MYO5B: variants seen among roughly 807,000 people sequenced by gnomAD.
MYO5B encodes unconventional myosin-Vb.
Under a neutral mutation model 229.3 loss-of-function variants are expected in MYO5B, and 143 were observed. That is an observed-to-expected ratio of 0.62 (90% confidence interval 0.54 to 0.72). MYO5B has a LOEUF of 0.72. MYO5B is among the 30% of genes least tolerant of loss of function. The probability of loss-of-function intolerance (pLI) is 0.00; values close to 1 mark genes in which losing one functional copy is unlikely to be tolerated. For synonymous variants in MYO5B, 918 were observed against 885.2 expected (o/e 1.04, Z -0.66); for missense variants, 2,321 against 2,331.0 (o/e 1.00, Z 0.09).
At chr18:50,142,350 C>A (rs138959119) in intron 1 of MYO5B, among the ~76,000 whole-genome samples, 3 of 152,154 alleles carry the variant, frequency 2.0e-5, no homozygotes, top group Non-Finnish European at 2.9e-5. Flanking sequence ...TTAATCAAAC[C>A]GAATCCCATG....
intron 1 of MYO5B, among the ~76,000 whole-genome samples, chr18:50,151,519 T>G (rs1031158345): frequency 1.3e-5 from 2 of 152,154 alleles, no homozygotes; most frequent in African/African-American, 2.4e-5. Flanking sequence ...GTCAGAAAAA[T>G]GTAGGTTTAA....
intron 1 of MYO5B, among the ~76,000 whole-genome samples, chr18:50,191,445 A>C (rs951388): frequency 0.54 from 81,616 of 151,898 alleles, 22,139 homozygotes; most frequent in Admixed American, 0.61. Context: ...CTCTGGTGAC[A>C]CCAGTTTTGT....
chr18:50,074,242 A>G (rs540409765), intron 1 of MYO5B, among the ~76,000 whole-genome samples: 7 of 152,350 alleles, frequency 4.6e-5, no homozygotes, highest in African/African-American at 1.4e-4. Context: ...TCATGAGAAT[A>G]GCACGGGAAA....
intron 33 of MYO5B, among the ~76,000 whole-genome samples, 186 bp downstream of exon 33, chr18:49,846,960 T>TG (rs2024135793): frequency 1.1e-5 from 1 of 89,206 alleles, no homozygotes; most frequent in African/African-American, 4.5e-5. Flanking sequence ...CAGCAGGAGC[T>TG]GGGGGGAGGA....
chr18:50,163,044 T>C (rs1226167693), intron 1 of MYO5B, among the ~76,000 whole-genome samples: 1 of 152,164 alleles, frequency 6.6e-6, no homozygotes, highest in Non-Finnish European at 1.5e-5. Flanking sequence ...CTGTAGCTAA[T>C]AACAAAAATG....
chr18:49,943,685 A>G (rs1349116510), intron 14 of MYO5B, among the ~76,000 whole-genome samples: 1 of 152,218 alleles, frequency 6.6e-6, no homozygotes, highest in African/African-American at 2.4e-5. Flanking sequence ...TGTGCTAGGA[A>G]CTGGTAAAAC....
chr18:49,879,963 CTGAG>C lies in MYO5B; in HGVS notation c.3130+404_3130+407del, dbSNP rs200129697. Among the ~76,000 whole-genome samples the C allele has an allele frequency of 5.9e-5, 9 of 152,354 alleles. No homozygotes were observed. In the East Asian group the frequency reaches 1.2e-3, roughly 20 times the overall value. Reference sequence around the variant, plus strand: ...AATGACGACAGCTCCTGAGCGCTCGCTGAGTGTCATGCACCCTCCTAAGCACTTC... The same window carrying C: ...AATGACGACAGCTCCTGAGCGCTCGCTGTCATGCACCCTCCTAAGCACTTC... On this transcript the variant is annotated intron_variant, in intron 23 of 39. Transcript: ENST00000285039.
At chr18:49,951,273 T>C (rs77645917) in intron 14 of MYO5B, among the ~76,000 whole-genome samples, 2 of 152,308 alleles carry the variant, frequency 1.3e-5, no homozygotes, top group African/African-American at 4.8e-5. Context: ...GCCATAACTA[T>C]ATGCTAAGTT....
At chr18:50,190,366 C>A (rs561620350) in intron 1 of MYO5B, among the ~76,000 whole-genome samples, 1 of 152,276 alleles carries the variant, frequency 6.6e-6, no homozygotes, top group South Asian at 2.1e-4. Flanking sequence ...GGGTTGGAAG[C>A]CAAGCACTCA....
intron 7 of MYO5B, among the ~76,000 whole-genome samples, chr18:49,986,004 C>A (rs1271631323): frequency 6.6e-6 from 1 of 152,142 alleles, no homozygotes; most frequent in East Asian, 1.9e-4. Context: ...TCAAATCCAC[C>A]TCGAAAATGC....
chr18:50,172,272 C>A (rs539462966), intron 1 of MYO5B, among the ~76,000 whole-genome samples: 1 of 136,314 alleles, frequency 7.3e-6, no homozygotes, highest in African/African-American at 2.8e-5. Flanking sequence ...TAGAGTGAGA[C>A]CCTGACAAAA....
rs565519933 is a variant in MYO5B, at chr18:50,157,818, C to T, written c.27+36949G>A. Among the ~76,000 whole-genome samples the T allele has an allele frequency of 2.0e-5, 3 of 152,306 alleles. No individual in the cohort carries two copies. The South Asian group carries it at 6.2e-4, about 32-fold the overall frequency. ...ATCATAAGATGTATGAGGGCCAAAACCATGTCTTGTGTTTACAAATGCCTA... is the reference window on the plus strand; with the variant it reads ...ATCATAAGATGTATGAGGGCCAAAATCATGTCTTGTGTTTACAAATGCCTA... On this transcript the variant is annotated intron_variant, in intron 1 of 39. Coordinates refer to ENST00000285039, the MANE Select transcript of MYO5B (RefSeq NM_001080467.3).
At chr18:49,954,587 C>A in intron 12 of MYO5B, 152 bp from the exon 13 acceptor site, 1 of 1,083,706 alleles carries the variant, frequency 9.2e-7, no homozygotes, top group Non-Finnish European at 1.4e-6. Flanking sequence ...AAGAATGATT[C>A]AACCATACAT....
chr18:50,089,216 A>G (rs1163871873), intron 1 of MYO5B, among the ~76,000 whole-genome samples: 1 of 152,074 alleles, frequency 6.6e-6, no homozygotes, highest in African/African-American at 2.4e-5. Flanking sequence ...CGTCTCTACT[A>G]AAAATACAAA....
At chr18:50,180,327 A>G (rs1195824334) in intron 1 of MYO5B, among the ~76,000 whole-genome samples, 1 of 152,112 alleles carries the variant, frequency 6.6e-6, no homozygotes, top group Non-Finnish European at 1.5e-5. Context: ...CAGTTCACAC[A>G]TTACCTCATT....
intron 21 of MYO5B, among the ~76,000 whole-genome samples, chr18:49,897,571 A>AT (rs2024793323): frequency 1.3e-5 from 2 of 152,222 alleles, no homozygotes; most frequent in Non-Finnish European, 2.9e-5. Flanking sequence ...CCAAAAATAA[A>AT]TTTTAAAAAT....
At chr18:50,014,166 C>T (rs890142206) in intron 4 of MYO5B, among the ~76,000 whole-genome samples, 2 of 151,528 alleles carry the variant, frequency 1.3e-5, no homozygotes, top group Non-Finnish European at 2.9e-5. Flanking sequence ...GTCCAAAGGG[C>T]TCACAGTTAA....
At chr18:49,866,345 A>T (rs1177249075) in intron 27 of MYO5B, among the ~76,000 whole-genome samples, 7 of 152,100 alleles carry the variant, frequency 4.6e-5, no homozygotes, top group Non-Finnish European at 1.0e-4. Context: ...CTGGGATTAC[A>T]GGCATGAGCC....
chr18:50,166,055 G>A (rs1016762621), intron 1 of MYO5B, among the ~76,000 whole-genome samples: 1 of 152,146 alleles, frequency 6.6e-6, no homozygotes, highest in East Asian at 1.9e-4. Flanking sequence ...CCTTGTTCCT[G>A]TCCTCCTTTT....
Sources: allele counts gnomAD v4.1 joint callset (sites outside exome capture counted in the v4.1 genomes callset), GRCh38; gene constraint gnomAD v4.1.1; transcripts MANE v1.5; gene names NCBI Gene and HGNC (gene_info 2026-07-23, HGNC 2026-07-21).